Variants in PEAK1 observed in about 807,000 individuals in gnomAD.
PEAK1 encodes the protein inactive tyrosine-protein kinase PEAK1.
Under a neutral mutation model 124.7 loss-of-function variants are expected in PEAK1, and 54 were observed. The ratio of observed to expected loss-of-function variants is 0.43; its 90% CI spans 0.35 to 0.54. PEAK1 has a LOEUF of 0.54. Ranked by LOEUF, PEAK1 falls within the 20% of genes least tolerant of loss-of-function variation. The probability of loss-of-function intolerance (pLI) is 0.01; values close to 1 mark genes in which losing one functional copy is unlikely to be tolerated. For synonymous variants in PEAK1, 719 were observed against 760.0 expected (o/e 0.95, Z 0.89); for missense variants, 2,046 against 2,134.5 (o/e 0.96, Z 0.82).
At chr15:77,353,259 A>G (rs1187544945) in intron 2 of PEAK1, among the ~76,000 whole-genome samples, 1 of 152,238 alleles carries the variant, frequency 6.6e-6, no homozygotes, top group Non-Finnish European at 1.5e-5. Flanking sequence ...TGTTACCAAC[A>G]GACTGTGGTA....
chr15:77,325,939 A>G (rs2065547336), intron 2 of PEAK1, among the ~76,000 whole-genome samples: 1 of 152,190 alleles, frequency 6.6e-6, no homozygotes, highest in Admixed American at 6.5e-5. Flanking sequence ...TAAGGTGACC[A>G]TATAAATATA....
At chr15:77,128,004 G>A (rs1349518107) in intron 9 of PEAK1, among the ~76,000 whole-genome samples, 1 of 151,780 alleles carries the variant, frequency 6.6e-6, no homozygotes, top group Non-Finnish European at 1.5e-5. Flanking sequence ...ACTTGAACCT[G>A]GAAGGTGGAG....
intron 5 of PEAK1, among the ~76,000 whole-genome samples, chr15:77,271,058 T>G (rs2062004363): frequency 6.6e-6 from 1 of 152,086 alleles, no homozygotes; most frequent in Non-Finnish European, 1.5e-5. Context: ...ATCCAGAATC[T>G]ACAATGAACT....
At chr15:77,385,935 T>A (rs2141864297) in intron 1 of PEAK1, among the ~76,000 whole-genome samples, 1 of 152,312 alleles carries the variant, frequency 6.6e-6, no homozygotes, top group East Asian at 1.9e-4. Context: ...CTGGTTTGAA[T>A]CTAGCACCCA....
chr15:77,377,188 C>T (rs1396046349), intron 1 of PEAK1, among the ~76,000 whole-genome samples: 1 of 152,118 alleles, frequency 6.6e-6, no homozygotes, highest in African/African-American at 2.4e-5. Flanking sequence ...TTGAGACCAA[C>T]CTAGGCAACA....
chr15:77,176,974 T>C (rs1187841887), intron 7 of PEAK1, among the ~76,000 whole-genome samples: 1 of 152,148 alleles, frequency 6.6e-6, no homozygotes, highest in Non-Finnish European at 1.5e-5. Flanking sequence ...TGTTTTTTTT[T>C]GAGATGGAGT....
rs1044096621 is a variant in PEAK1, at chr15:77,170,224, G to A, written c.3137+8566C>T. Among the ~76,000 whole-genome samples, 8 of 151,986 alleles carry A rather than the reference G, an allele frequency of 5.3e-5. No individual in the cohort carries two copies. In the Middle Eastern group the frequency reaches 0.01, roughly 194 times the overall value. On this transcript the variant is annotated intron_variant, in intron 7 of 9. Coordinates refer to ENST00000682557, the MANE Select transcript of PEAK1 (RefSeq NM_001385026.1). ...GTTGAAGTGTGGTTTTGTGGTAAAC[G>A]GTGGTTTACTATACTAGTCTATCTA...
intron 5 of PEAK1, among the ~76,000 whole-genome samples, chr15:77,272,410 T>G (rs954302838): frequency 6.6e-6 from 1 of 152,040 alleles, no homozygotes; most frequent in African/African-American, 2.4e-5. Context: ...TAAGCTCAAT[T>G]AGAAACAAAA....
intron 5 of PEAK1, among the ~76,000 whole-genome samples, chr15:77,253,201 A>T (rs868422824): frequency 6.6e-5 from 9 of 137,098 alleles, no homozygotes; most frequent in Admixed American, 8.1e-5. Context: ...CAAACACTAC[A>T]TTTTATATAA....
Position 77,179,706 on chromosome 15 carries a change from G to A in PEAK1, c.2221C>T (p.Pro741Ser), listed in dbSNP as rs774063822. 1.1e-5 allele frequency: 18 copies of A among 1,613,896 alleles called. No individual in the cohort carries two copies. The Admixed American group carries it at 3.0e-4, about 27-fold the overall frequency. Residue 741 changes from proline to serine, a missense_variant, in exon 7 of 10, where the codon CCT becomes TCT. Transcript: ENST00000682557. ...PAKIQRATQE[P>S]VAKIEGTQES... ...TGAGTGCCTTCTATTTTGGCCACAG[G>A]CTCTTGAGTGGCTCTCTGGATCTTT...
rs1054350103 is a variant in PEAK1 at position 77,417,395 on chromosome 15, G to C, written c.-666+2611C>G. On this transcript the variant is annotated intron_variant, in intron 1 of 9. Coordinates refer to ENST00000682557, the MANE Select transcript of PEAK1 (RefSeq NM_001385026.1). ...AACAAACCAGCCTTGAGGGAACCTA[G>C]AAAGTACCAGGAGCTTTAGTAATGA... is the stretch of plus-strand genomic sequence containing the variant. 5.0e-5 allele frequency: 48 copies of C among 963,286 alleles called. No individual in the cohort carries two copies. In the East Asian group the frequency reaches 1.2e-3, roughly 23 times the overall value. The allele number at this position is 963,286 out of a possible 1,614,324, so 59.7% of individuals were successfully genotyped here.
intron 9 of PEAK1, among the ~76,000 whole-genome samples, chr15:77,115,650 C>A (rs934468458): frequency 2.6e-5 from 4 of 152,190 alleles, no homozygotes; most frequent in Admixed American, 1.3e-4. Flanking sequence ...CCAAAGCCTG[C>A]TCTTTCCACT....
intron 2 of PEAK1, among the ~76,000 whole-genome samples, chr15:77,355,230 C>T (rs186300884): frequency 1.9e-3 from 292 of 152,144 alleles, no homozygotes; most frequent in Non-Finnish European, 2.8e-3. Flanking sequence ...TGGAGAGATA[C>T]GATTGACAGA....
At chr15:77,138,995 C>T (rs1202132385) in intron 8 of PEAK1, among the ~76,000 whole-genome samples, 2 of 151,914 alleles carry the variant, frequency 1.3e-5, no homozygotes, top group African/African-American at 4.8e-5. Flanking sequence ...TAGTCCTAAC[C>T]CCTGGTACAT....
At chr15:77,142,548 GAAAC>G (rs1252672222) in intron 8 of PEAK1, among the ~76,000 whole-genome samples, 5 of 152,228 alleles carry the variant, frequency 3.3e-5, no homozygotes, top group Non-Finnish European at 4.4e-5. Flanking sequence ...CCAAAAAGTA[GAAAC>G]AAACCAGATG....
chr15:77,383,918 C>G (rs2069698804), intron 1 of PEAK1, among the ~76,000 whole-genome samples: 1 of 152,140 alleles, frequency 6.6e-6, no homozygotes, highest in Non-Finnish European at 1.5e-5. Flanking sequence ...AATCAAACTA[C>G]CCGTTCATGG....
chr15:77,404,129 C>T (rs2071604727), intron 1 of PEAK1: 1 of 985,094 alleles, frequency 1.0e-6, no homozygotes, highest in Non-Finnish European at 1.2e-6. Context: ...AAATTTAACA[C>T]TTGTGTGACA....
intron 2 of PEAK1, among the ~76,000 whole-genome samples, chr15:77,312,707 C>T (rs1199957854): frequency 6.6e-6 from 1 of 152,234 alleles, no homozygotes; most frequent in Non-Finnish European, 1.5e-5. Flanking sequence ...AACCTCCAGG[C>T]ATCAGTTCCA....
At chr15:77,250,250 TA>T (rs1567166845) in intron 6 of PEAK1, among the ~76,000 whole-genome samples, 4 of 70,778 alleles carry the variant, frequency 5.7e-5, no homozygotes, top group Admixed American at 1.5e-4. Context: ...TATATATATA[TA>T]TATATATTTT....
Sources: gnomAD v4.1 joint callset for allele counts (sites outside exome capture counted in the v4.1 genomes callset) on GRCh38, gnomAD v4.1.1 for gene constraint, MANE v1.5 for transcripts, NCBI Gene and HGNC (gene_info 2026-07-23, HGNC 2026-07-21) for gene names.